The following ZBTB33 variants were observed in gnomAD, a reference collection of about 807,000 sequenced individuals.
ZBTB33 encodes the protein zinc finger and BTB domain containing 33.
A neutral mutation model predicts 25.9 loss-of-function variants in ZBTB33; 11 were observed. That is an observed-to-expected ratio of 0.42 (90% CI 0.27 to 0.70). ZBTB33 has a LOEUF of 0.70. Ranked by LOEUF, ZBTB33 falls within the 30% of genes least tolerant of loss-of-function variation. The pLI is 0.23. For missense variants in ZBTB33, 343 were observed against 501.1 expected (o/e 0.68, Z 3.01); for synonymous variants, 157 against 184.8 (o/e 0.85, Z 1.22).
rs1223397502 is a variant in ZBTB33, at chrX:120,254,551, C to T, written c.1136C>T (p.Thr379Ile). Residue 379 changes from threonine (T) to isoleucine (I), a missense_variant, in exon 3 of 3, where the codon ACA becomes ATA. By Grantham distance (89) the Thr-to-Ile change is moderately conservative. Around this residue, in one of 2 missense-constraint regions of ZBTB33, gnomAD observed 304 missense variants for 410.0 expected, o/e 0.74. Coordinates refer to ENST00000557385, the MANE Select transcript of ZBTB33 (RefSeq NM_001184742.2). ...TTAATACAGAAGATGCAGATTCCTA[C>T]ACTTCTTCAAGAACCACTTTCCAAT... ...GSLIQKMQIP[T>I]LLQEPLSNSL... 2 of 1,211,484 alleles carry T rather than the reference C, an allele frequency of 1.7e-6. No individual in the cohort carries two copies. Among genetic ancestry groups the T allele is most frequent in the Non-Finnish European group, 2.2e-6 (2 of 895,344 alleles).
In ZBTB33 at chrX:120,256,542, G is replaced by T. The variant is rs1448815012; in HGVS notation, c.*1108G>T. Reference sequence around the variant, plus strand: ...TTCTAAAATAAGTTTTATTCCATCTGCAAATTGCTGCAATATTATAGTAAT... The same window carrying T: ...TTCTAAAATAAGTTTTATTCCATCTTCAAATTGCTGCAATATTATAGTAAT... On this transcript the variant is annotated 3_prime_UTR_variant, in exon 3 of 3. Transcript: ENST00000557385. 1 of 122,421 alleles carries T rather than the reference G, an allele frequency of 8.2e-6. No individual in the cohort carries two copies. Among genetic ancestry groups the T allele is most frequent in the Non-Finnish European group, 1.9e-5 (1 of 52,935 alleles). 10.1% of individuals were successfully genotyped at this position (122,421 alleles called of 1,213,427 possible).
In ZBTB33 at chrX:120,256,257, T is replaced by G. The variant is rs1394327810; in HGVS notation, c.*823T>G. On this transcript the variant is annotated 3_prime_UTR_variant, in exon 3 of 3. Transcript: ENST00000557385. Reference sequence around the variant, plus strand: ...GGAATGAAGATTTCCTTTTGGCTTCTTAAGGTTAAAAATATTCCCATGAAC... The same window carrying G: ...GGAATGAAGATTTCCTTTTGGCTTCGTAAGGTTAAAAATATTCCCATGAAC... 1 of 123,359 alleles carries G rather than the reference T, an allele frequency of 8.1e-6. No homozygotes were observed. Among genetic ancestry groups the G allele is most frequent in the Non-Finnish European group, 1.9e-5 (1 of 53,140 alleles). 10.2% of individuals were successfully genotyped at this position (123,359 alleles called of 1,213,427 possible).
Position 120,253,399 on chromosome X carries a change from C to CTCT in ZBTB33, c.-2-13_-2-11dup. 1.7e-6 allele frequency: 2 copies of CTCT among 1,188,680 alleles called. No homozygotes were observed. The highest frequency in any genetic ancestry group is 2.3e-6 in the Non-Finnish European group (2 of 881,798). On this transcript the variant is annotated splice_polypyrimidine_tract_variant and intron_variant, in intron 2 of 2. Transcript: ENST00000557385. ...CTCTAATCCTCTCCCATCCCCTCCT[C>CTCT]TCTTTCTCTTAAAGGCATGGAGAGT...
rs2057638318 is a variant in ZBTB33 at position 120,256,442 on chromosome X, G to A, written c.*1008G>A. ...TCATATTGCGTAGAATCTCCACTAG[G>A]AAGTCTTTATTTGAAATAGTTGAAT... On this transcript the variant is annotated 3_prime_UTR_variant, in exon 3 of 3. Transcript: ENST00000557385. 1 of 122,175 alleles carries A rather than the reference G, an allele frequency of 8.2e-6. No individual in the cohort carries two copies. Among genetic ancestry groups the A allele is most frequent in the African/African-American group, 3.3e-5 (1 of 30,518 alleles). 10.1% of individuals were successfully genotyped at this position (122,175 alleles called of 1,213,427 possible).
intron 1 of ZBTB33, among the ~76,000 whole-genome samples, chrX:120,252,218 G>A (rs1438972259): frequency 9.0e-6 from 1 of 111,142 alleles, no homozygotes; most frequent in Non-Finnish European, 1.9e-5. Flanking sequence ...TTGTGACATC[G>A]ACACCCTTTT....
chrX:120,254,533 A>G lies in ZBTB33; in HGVS notation c.1118A>G (p.Gln373Arg). 8.3e-7 allele frequency: 1 copy of G among 1,211,733 alleles called. No individual in the cohort carries two copies. Among genetic ancestry groups the G allele is most frequent in the Non-Finnish European group, 1.1e-6 (1 of 895,436 alleles). The change falls in exon 3 of 3, where the codon CAG becomes CGG. Residue 373 changes from glutamine to arginine, a missense_variant. Physicochemically the swap from Gln to Arg is conservative, Grantham distance 43. Coordinates refer to ENST00000557385, the MANE Select transcript of ZBTB33 (RefSeq NM_001184742.2). ...ACCAGTTTTGATGGATCATTAATAC[A>G]GAAGATGCAGATTCCTACACTTCTT... The part of the protein sequence containing the change: ...QNTSFDGSLI[Q>R]KMQIPTLLQE...
Position 120,254,585 on chromosome X carries a change from A to G in ZBTB33, c.1170A>G (p.Lys390=). The G allele has an allele frequency of 8.3e-7, 1 of 1,211,477 alleles. No individual in the cohort carries two copies. The highest frequency in any genetic ancestry group is 2.3e-4 in the Middle Eastern group (1 of 4,354). Residue 390 remains lysine, a synonymous_variant, in exon 3 of 3, where the codon AAA becomes AAG. Transcript: ENST00000557385. The stretch of plus-strand genomic sequence containing the variant: ...AAGAACCACTTTCCAATTCCTTAAA[A>G]ATTTCAGATATAATTACTAGAAATA... The part of the protein sequence containing the change: ...LLQEPLSNSL[K]ISDIITRNTN...
At position 120,256,763 on chromosome X, in the gene ZBTB33, CAG is replaced by C. The variant is rs1216289898; in HGVS notation, c.*1331_*1332del. On this transcript the variant is annotated 3_prime_UTR_variant, in exon 3 of 3. Coordinates refer to ENST00000557385, the MANE Select transcript of ZBTB33 (RefSeq NM_001184742.2). ...CATACATATAGCCTAGCATTTATAACAGAATTGTTGAACGTCTGTAAATGATT... is the reference window on the plus strand; with the variant it reads ...CATACATATAGCCTAGCATTTATAACAATTGTTGAACGTCTGTAAATGATT... 1 of 119,389 alleles carries C rather than the reference CAG, an allele frequency of 8.4e-6. No homozygotes were observed. The highest frequency in any genetic ancestry group is 9.9e-5 in the Admixed American group (1 of 10,116). The allele number at this position is 119,389 out of a possible 1,213,427, so 9.8% of individuals were successfully genotyped here.
rs782457040 is a variant in ZBTB33, at chrX:120,257,160, A to C, written c.*1726A>C. 1 of 122,784 alleles carries C rather than the reference A, an allele frequency of 8.1e-6. No individual in the cohort carries two copies. Among genetic ancestry groups the C allele is most frequent in the Non-Finnish European group, 1.9e-5 (1 of 53,026 alleles). The allele number at this position is 122,784 out of a possible 1,213,427, so 10.1% of individuals were successfully genotyped here. Reference sequence around the variant, plus strand: ...TTCTGTTCTGTAAGTCTAGACCTTCAAACCATTTGTAAACTAACCCCTGGG... The same window carrying C: ...TTCTGTTCTGTAAGTCTAGACCTTCCAACCATTTGTAAACTAACCCCTGGG... On this transcript the variant is annotated 3_prime_UTR_variant, in exon 3 of 3. Coordinates refer to ENST00000557385, the MANE Select transcript of ZBTB33 (RefSeq NM_001184742.2).
At position 120,255,209 on chromosome X, in the gene ZBTB33, A is replaced by AT; in HGVS notation, c.1795dup (p.Tyr599LeufsTer5). On this transcript the variant is annotated frameshift_variant, in exon 3 of 3. Transcript: ENST00000557385. LOFTEE classifies it high-confidence loss of function. ...GGTCTTTACAAATCAGACAATATGC[A>AT]TATCTTTCCGATAGATCAAGCACTA... 1 of 1,211,777 alleles carries AT rather than the reference A, an allele frequency of 8.3e-7. No individual in the cohort carries two copies. The highest frequency in any genetic ancestry group is 1.1e-6 in the Non-Finnish European group (1 of 895,485).
chrX:120,253,829 A>G lies in ZBTB33; in HGVS notation c.414A>G (p.Leu138=). The change falls in exon 3 of 3, where the codon TTA becomes TTG. Residue 138 remains leucine (L), a synonymous_variant. Transcript: ENST00000557385. ...GTAQDGNTEP[L]PPDSGDKNLV... is the part of the protein sequence containing the mutation. ...CGCAGGATGGTAATACTGAGCCTTT[A>G]CCTCCTGATTCTGGTGACAAGAACC... is the stretch of plus-strand genomic sequence containing the variant. 1 of 1,211,219 alleles carries G rather than the reference A, an allele frequency of 8.3e-7. No homozygotes were observed. The highest frequency in any genetic ancestry group is 1.1e-6 in the Non-Finnish European group (1 of 895,368).
chrX:120,254,627 A>C lies in ZBTB33; in HGVS notation c.1212A>C (p.Val404=), dbSNP rs782046543. 2 of 1,211,888 alleles carry C rather than the reference A, an allele frequency of 1.7e-6. No homozygotes were observed. Among genetic ancestry groups the C allele is most frequent in the Non-Finnish European group, 2.2e-6 (2 of 895,281 alleles). Reference sequence around the variant, plus strand: ...CTAGAAATACTAATGATCCAGGCGTAGGATCAAAACATCTAATGGAGGGTC... The same window carrying C: ...CTAGAAATACTAATGATCCAGGCGTCGGATCAAAACATCTAATGGAGGGTC... ...IITRNTNDPG[V]GSKHLMEGQK... The change falls in exon 3 of 3, where the codon GTA becomes GTC. Residue 404 remains valine (V), a synonymous_variant. Transcript: ENST00000557385.
chrX:120,256,282 C>T lies in ZBTB33; in HGVS notation c.*848C>T, dbSNP rs782085041. 1 of 122,950 alleles carries T rather than the reference C, an allele frequency of 8.1e-6. No homozygotes were observed. Among genetic ancestry groups the T allele is most frequent in the African/African-American group, 3.2e-5 (1 of 30,811 alleles). 10.1% of individuals were successfully genotyped at this position (122,950 alleles called of 1,213,427 possible). The stretch of plus-strand genomic sequence containing the variant: ...TTAAGGTTAAAAATATTCCCATGAA[C>T]ATGAAAATTTTCAAATTTTGAATCT... On this transcript the variant is annotated 3_prime_UTR_variant, in exon 3 of 3. Coordinates refer to ENST00000557385, the MANE Select transcript of ZBTB33 (RefSeq NM_001184742.2).
At position 120,255,040 on chromosome X, in the gene ZBTB33, T is replaced by C; in HGVS notation, c.1625T>C (p.Ile542Thr). ...GCAGAATATCGCACAAAGCATGAAA[T>C]TCATCACACAGGGGAGCGAAGGTAT... Reference protein sequence around the residue: ...PLAEYRTKHEIHHTGERRYQC... With the variant: ...PLAEYRTKHETHHTGERRYQC... The change falls in exon 3 of 3, where the codon ATT becomes ACT. Residue 542 changes from isoleucine to threonine, a missense_variant. By Grantham distance (89) the Ile-to-Thr change is moderately conservative. Transcript: ENST00000557385. 8.3e-7 allele frequency: 1 copy of C among 1,211,808 alleles called. No individual in the cohort carries two copies.
Position 120,257,638 on chromosome X carries a change from G to C in ZBTB33, c.*2204G>C, listed in dbSNP as rs1253604322. 1 of 123,122 alleles carries C rather than the reference G, an allele frequency of 8.1e-6. No homozygotes were observed. The highest frequency in any genetic ancestry group is 9.5e-5 in the Admixed American group (1 of 10,544). The allele number at this position is 123,122 out of a possible 1,213,427, so 10.1% of individuals were successfully genotyped here. On this transcript the variant is annotated 3_prime_UTR_variant, in exon 3 of 3. Coordinates refer to ENST00000557385, the MANE Select transcript of ZBTB33 (RefSeq NM_001184742.2). ...GGAGTTTTTGGGAGGAGAGAAACTG[G>C]AAAATTAAATTGTATTTTTGCCAGA...
At chrX:120,253,378 A>C (rs1556014635) in intron 2 of ZBTB33, 36 bp from the exon 3 acceptor site, 3 of 1,135,746 alleles carry the variant, frequency 2.6e-6, no homozygotes. Flanking sequence ...TTTTCTCTCT[A>C]ATCCTCTCCC....
chrX:120,251,581 G>A (rs1556014330), intron 1 of ZBTB33, among the ~76,000 whole-genome samples: 1 of 111,985 alleles, frequency 8.9e-6, no homozygotes, highest in Non-Finnish European at 1.9e-5. Flanking sequence ...GAAGAGGGAG[G>A]TGGAGGAAGG....
At position 120,258,349 on chromosome X, in the gene ZBTB33, T is replaced by C. The variant is rs1319489139; in HGVS notation, c.*2915T>C. Reference sequence around the variant, plus strand: ...CTACTTTTCATTAACCATGGCCTGATATTAGTTCTTAGAGCTTCTTGTGGC... The same window carrying C: ...CTACTTTTCATTAACCATGGCCTGACATTAGTTCTTAGAGCTTCTTGTGGC... On this transcript the variant is annotated 3_prime_UTR_variant, in exon 3 of 3. Transcript: ENST00000557385. The C allele has an allele frequency of 8.1e-6, 1 of 123,651 alleles. No individual in the cohort carries two copies. The highest frequency in any genetic ancestry group is 1.9e-5 in the Non-Finnish European group (1 of 53,299). 10.2% of individuals were successfully genotyped at this position (123,651 alleles called of 1,213,427 possible).
rs782089877 is a variant in ZBTB33, at chrX:120,253,805, G to A, written c.390G>A (p.Ala130=). 10 of 1,211,412 alleles carry A rather than the reference G, an allele frequency of 8.3e-6. No individual in the cohort carries two copies. The highest frequency in any genetic ancestry group is 1.1e-5 in the Non-Finnish European group (10 of 895,434). Residue 130 remains alanine (A), a synonymous_variant, in exon 3 of 3, where the codon GCG becomes GCA. Transcript: ENST00000557385. ...LSQVKSISGT[A]QDGNTEPLPP... is the part of the protein sequence containing the mutation. Reference sequence around the variant, plus strand: ...AGGTTAAAAGCATCTCAGGTACAGCGCAGGATGGTAATACTGAGCCTTTAC... The same window carrying A: ...AGGTTAAAAGCATCTCAGGTACAGCACAGGATGGTAATACTGAGCCTTTAC...
Sources: gnomAD v4.1 joint callset for allele counts (sites outside exome capture counted in the v4.1 genomes callset) on GRCh38, gnomAD v4.1.1 for gene constraint, gnomAD v4.1.1 regional missense constraint, MANE v1.5 for transcripts, NCBI Gene and HGNC (gene_info 2026-07-23, HGNC 2026-07-21) for gene names.